Variants in RBFOX3 observed in about 807,000 individuals in gnomAD.
RBFOX3 encodes RNA binding fox-1 homolog 3, also known as RNA binding protein fox-1 homolog 3.
In RBFOX3, 17 loss-of-function variants were observed where a neutral mutation model predicts 48.7. The observed-to-expected ratio is 0.35, with a 90% CI of 0.24 to 0.52. RBFOX3 has a LOEUF of 0.52. Ranked by LOEUF, RBFOX3 falls within the 20% of genes least tolerant of loss-of-function variation. The pLI is 0.94. For synonymous variants in RBFOX3, 212 were observed against 209.5 expected, an observed-to-expected ratio of 1.01 and a Z score of -0.10; for missense variants, 382 against 497.5, an observed-to-expected ratio of 0.77 and a Z score of 2.21.
chr17:79,464,972 G>T (rs532868814), intron 2 of RBFOX3, among the ~76,000 whole-genome samples: 3 of 152,254 alleles, frequency 2.0e-5, no homozygotes, highest in Non-Finnish European at 4.4e-5. Context: ...GAACCACGAG[G>T]TGGCCCCAGC....
At position 79,317,460 on chromosome 17, in the gene RBFOX3, A is replaced by G. The variant is rs142418985; in HGVS notation, c.-174-9636T>C. 1.3e-3 allele frequency among the ~76,000 whole-genome samples: 198 copies of G among 152,296 alleles called. 2 individuals carry two copies. Among genetic ancestry groups the G allele is most frequent in the African/African-American group, 4.6e-3 (191 of 41,556 alleles). On this transcript the variant is annotated intron_variant, in intron 2 of 14. Transcript: ENST00000693108. ...GGGTTCACCTGTGGGGCTCAGGGTGAGCACATCTGGCTTCCACACAGAGGC... is the reference window on the plus strand; with the variant it reads ...GGGTTCACCTGTGGGGCTCAGGGTGGGCACATCTGGCTTCCACACAGAGGC...
chr17:79,565,802 T>A (rs1043161739), intron 1 of RBFOX3, among the ~76,000 whole-genome samples: 1 of 152,160 alleles, frequency 6.6e-6, no homozygotes, highest in Non-Finnish European at 1.5e-5. Flanking sequence ...CAGACAATAC[T>A]TCTATGAATG....
intron 1 of RBFOX3, among the ~76,000 whole-genome samples, chr17:79,572,278 T>C (rs2092702884): frequency 6.6e-6 from 1 of 152,140 alleles, no homozygotes; most frequent in African/African-American, 2.4e-5. Context: ...AGTGAGTCTT[T>C]AGGGCAGCAT....
chr17:79,107,663 G>A (rs2077652981), intron 5 of RBFOX3, among the ~76,000 whole-genome samples: 1 of 152,246 alleles, frequency 6.6e-6, no homozygotes, highest in Non-Finnish European at 1.5e-5. Context: ...ATCAGCATCG[G>A]CCGGGTGGAT....
At chr17:79,196,748 A>G (rs1304749103) in intron 4 of RBFOX3, among the ~76,000 whole-genome samples, 1 of 152,234 alleles carries the variant, frequency 6.6e-6, no homozygotes, top group Non-Finnish European at 1.5e-5. Flanking sequence ...CGTTCCACTG[A>G]TAATTCAGAA....
Position 79,183,833 on chromosome 17 carries a change from A to G in RBFOX3, c.-34+51933T>C, listed in dbSNP as rs561381278. On this transcript the variant is annotated intron_variant, in intron 4 of 14. Transcript: ENST00000693108. Reference sequence around the variant, plus strand: ...GCGACGGCACAACAGCTGATCCCACACTTAACCCCTCGCCCGCCGGCACCG... The same window carrying G: ...GCGACGGCACAACAGCTGATCCCACGCTTAACCCCTCGCCCGCCGGCACCG... Among the ~76,000 whole-genome samples, 185 of 152,074 alleles carry G rather than the reference A, an allele frequency of 1.2e-3. 2 individuals are homozygous for G. The highest frequency in any genetic ancestry group is 4.2e-3 in the African/African-American group (176 of 41,490).
rs79159511 is a variant in RBFOX3 at position 79,324,420 on chromosome 17, C to T, written c.-174-16596G>A. Among the ~76,000 whole-genome samples, 220 of 152,280 alleles carry T rather than the reference C, an allele frequency of 1.4e-3. 1 individual carries two copies. The Middle Eastern group carries it at 0.034, about 24-fold the overall frequency. Reference sequence around the variant, plus strand: ...AGACCCCAGGGGCTCAGGAAGCCTCCGAAGCAAACTCTGTTTTCAAGGGCT... The same window carrying T: ...AGACCCCAGGGGCTCAGGAAGCCTCTGAAGCAAACTCTGTTTTCAAGGGCT... On this transcript the variant is annotated intron_variant, in intron 2 of 14. Transcript: ENST00000693108.
intron 4 of RBFOX3, among the ~76,000 whole-genome samples, chr17:79,168,259 T>C (rs1359161979): frequency 6.6e-6 from 1 of 152,196 alleles, no homozygotes; most frequent in African/African-American, 2.4e-5. Context: ...GCAGGGAACC[T>C]GCGACCAGTG....
intron 4 of RBFOX3, among the ~76,000 whole-genome samples, chr17:79,138,009 T>A (rs1005739305): frequency 5.3e-5 from 8 of 152,100 alleles, no homozygotes; most frequent in Non-Finnish European, 1.0e-4. Flanking sequence ...CGGAGGCACA[T>A]CCCAGGCAGC....
intron 4 of RBFOX3, chr17:79,132,690 C>T (rs2039248437): frequency 6.6e-6 from 1 of 152,248 alleles, no homozygotes; most frequent in African/African-American, 2.4e-5. Flanking sequence ...AGCGGCCTGG[C>T]TTCCAGCTGC....
At chr17:79,298,453 GA>G (rs983933365) in intron 3 of RBFOX3, 60 of 152,344 alleles carry the variant, frequency 3.9e-4, no homozygotes, top group African/African-American at 1.3e-3. Flanking sequence ...AGCAACCTTT[GA>G]CTAACAAGGG....
At chr17:79,614,579 G>A (rs1041356914), upstream of RBFOX3, among the ~76,000 whole-genome samples, 4 of 152,302 alleles carry the variant, frequency 2.6e-5, no homozygotes, top group South Asian at 2.1e-4. Flanking sequence ...GGCCGACTTC[G>A]AGGAAACAGA....
chr17:79,615,486 AGGGT>A (rs2093990145), upstream of RBFOX3, among the ~76,000 whole-genome samples: 1 of 152,162 alleles, frequency 6.6e-6, no homozygotes, highest in African/African-American at 2.4e-5. Context: ...AGATGAGAGC[AGGGT>A]GGTGGCATGT....
chr17:79,253,462 T>C (rs1343385851), intron 3 of RBFOX3, among the ~76,000 whole-genome samples: 2 of 152,250 alleles, frequency 1.3e-5, no homozygotes, highest in Admixed American at 6.5e-5. Context: ...AAAGATCTAA[T>C]GTTTAATTTA....
intron 3 of RBFOX3, among the ~76,000 whole-genome samples, chr17:79,259,856 C>T (rs1214354445): frequency 6.6e-6 from 1 of 152,144 alleles, no homozygotes; most frequent in Non-Finnish European, 1.5e-5. Flanking sequence ...TCTCTCCTCC[C>T]TGAAGAGGCC....
intron 1 of RBFOX3, among the ~76,000 whole-genome samples, chr17:79,584,966 C>T (rs1016680230): frequency 4.0e-5 from 6 of 151,892 alleles, no homozygotes; most frequent in African/African-American, 1.2e-4. Flanking sequence ...GGGATTTCAC[C>T]GTGTTAGCCA....
At chr17:79,105,010 G>T (rs1568135887) in intron 6 of RBFOX3, among the ~76,000 whole-genome samples, 2 of 152,308 alleles carry the variant, frequency 1.3e-5, no homozygotes, top group Non-Finnish European at 2.9e-5. Flanking sequence ...CCATGGGGCA[G>T]CCCTGTCTCT....
At chr17:79,582,943 T>G (rs1375521918) in intron 1 of RBFOX3, among the ~76,000 whole-genome samples, 2 of 152,158 alleles carry the variant, frequency 1.3e-5, no homozygotes, top group African/African-American at 4.8e-5. Context: ...CATGGACCAC[T>G]GCGACCCACA....
At chr17:79,238,353 G>C (rs2061889961) in intron 3 of RBFOX3, among the ~76,000 whole-genome samples, 1 of 152,262 alleles carries the variant, frequency 6.6e-6, no homozygotes, top group Non-Finnish European at 1.5e-5. Context: ...ATTTGGATCT[G>C]AAGCCAGGTC....
Sources: allele counts gnomAD v4.1 joint callset (sites outside exome capture counted in the v4.1 genomes callset), GRCh38; gene constraint gnomAD v4.1.1; transcripts MANE v1.5; gene names NCBI Gene and HGNC (gene_info 2026-07-23, HGNC 2026-07-21).